ACYP2: variants seen among roughly 807,000 people sequenced by gnomAD.
The protein encoded by ACYP2 is acylphosphatase-2.
In ACYP2, 12 loss-of-function variants were observed where a neutral mutation model predicts 11.2. That is an observed-to-expected ratio of 1.08 (90% CI 0.69 to 1.74). ACYP2 has a LOEUF of 1.74. Among genes scored for constraint, ACYP2 ranks in the 40% most tolerant of loss-of-function variants. ACYP2 has a pLI of 0.00. For synonymous variants in ACYP2, 43 were observed against 32.2 expected, an observed-to-expected ratio of 1.33 and a Z score of -1.13; for missense variants, 134 against 101.9, an observed-to-expected ratio of 1.31 and a Z score of -1.35.
intron 6 of ACYP2, among the ~76,000 whole-genome samples, chr2:54,196,581 G>A (rs895432113): frequency 2.0e-5 from 3 of 152,172 alleles, no homozygotes; most frequent in Non-Finnish European, 4.4e-5. Context: ...TCAGGATACT[G>A]TGCTAGATAG....
At chr2:54,087,447 C>G (rs550772749) in intron 4 of ACYP2, among the ~76,000 whole-genome samples, 95 of 152,220 alleles carry the variant, frequency 6.2e-4, no homozygotes, top group African/African-American at 2.1e-3. Context: ...TCCCCAGGCT[C>G]AAGTGACCCT....
intron 2 of ACYP2, among the ~76,000 whole-genome samples, chr2:54,016,606 A>G (rs536398586): frequency 7.9e-5 from 12 of 152,288 alleles, no homozygotes; most frequent in African/African-American, 2.6e-4. Context: ...TCTCTGTCTT[A>G]GTCTGTTTGT....
At chr2:54,077,746 G>A (rs1451765950) in intron 4 of ACYP2, among the ~76,000 whole-genome samples, 2 of 152,196 alleles carry the variant, frequency 1.3e-5, no homozygotes, top group African/African-American at 4.8e-5. Flanking sequence ...AGCAAACTAA[G>A]GCACAGAAAG....
intron 6 of ACYP2, among the ~76,000 whole-genome samples, chr2:54,167,459 A>C (rs1330589747): frequency 6.6e-6 from 1 of 152,222 alleles, no homozygotes; most frequent in Non-Finnish European, 1.5e-5. Context: ...AAGACAGAGA[A>C]TAGCGTAATA....
At chr2:54,261,687 T>G (rs1687786517) in intron 6 of ACYP2, among the ~76,000 whole-genome samples, 1 of 152,222 alleles carries the variant, frequency 6.6e-6, no homozygotes, top group Admixed American at 6.5e-5. Context: ...TAAACAACAT[T>G]GTTTATATAG....
intron 2 of ACYP2, among the ~76,000 whole-genome samples, chr2:54,021,575 A>G (rs1268599859): frequency 6.6e-6 from 1 of 152,208 alleles, no homozygotes; most frequent in Non-Finnish European, 1.5e-5. Context: ...TAACTACACT[A>G]ATTTTATTAT....
chr2:54,240,729 G>T (rs1303701339), intron 6 of ACYP2, among the ~76,000 whole-genome samples: 1 of 152,166 alleles, frequency 6.6e-6, no homozygotes, highest in Non-Finnish European at 1.5e-5. Context: ...TGGCAAACGG[G>T]GTGGGGAACA....
intron 2 of ACYP2, among the ~76,000 whole-genome samples, chr2:53,988,289 G>A (rs963001388): frequency 7.9e-5 from 12 of 152,016 alleles, no homozygotes; most frequent in African/African-American, 1.4e-4. Context: ...ATAGTTTTCT[G>A]TTTTACATTT....
intron 4 of ACYP2, among the ~76,000 whole-genome samples, chr2:54,093,038 A>G (rs1333963174): frequency 1.3e-5 from 2 of 152,150 alleles, no homozygotes; most frequent in African/African-American, 4.8e-5. Context: ...TGAGGCTTCT[A>G]TTGTCGACTG....
At chr2:54,057,449 A>G (rs921534353) in intron 4 of ACYP2, 3 of 391,716 alleles carry the variant, frequency 7.7e-6, no homozygotes, top group South Asian at 1.4e-4. Flanking sequence ...TAGCCTCAGG[A>G]TGGCAGAACT....
At chr2:54,213,624 G>A (rs1443641006) in intron 6 of ACYP2, among the ~76,000 whole-genome samples, 9 of 152,114 alleles carry the variant, frequency 5.9e-5, no homozygotes, top group Admixed American at 5.9e-4. Context: ...ATTCTGACTG[G>A]TATGAGGTGG....
At chr2:54,218,313 C>G (rs1685642803) in intron 6 of ACYP2, among the ~76,000 whole-genome samples, 1 of 152,164 alleles carries the variant, frequency 6.6e-6, no homozygotes, top group Non-Finnish European at 1.5e-5. Flanking sequence ...CCTTTCTATC[C>G]TTGTTGGTCC....
rs568348678 is a variant in ACYP2, at chr2:54,201,655, T to C, written c.404+62907T>C. 2.0e-4 allele frequency among the ~76,000 whole-genome samples: 19 copies of C among 96,886 alleles called. No homozygotes were observed. In the East Asian group the frequency reaches 3.1e-3, roughly 16 times the overall value. The allele number at this position is 96,886 out of a possible 152,430, so 63.6% of individuals were successfully genotyped here. ...TTCTTTCTCTTTCTTTCTTTCTTTC[T>C]TTCTTTCTTTCTTTCTTTCTTTCTT... On this transcript the variant is annotated intron_variant, in intron 6 of 6. Coordinates refer to ENST00000607452, the MANE Select transcript of ACYP2 (RefSeq NM_001320586.2).
At chr2:54,175,082 T>A (rs553556964) in intron 6 of ACYP2, among the ~76,000 whole-genome samples, 3 of 152,318 alleles carry the variant, frequency 2.0e-5, no homozygotes, top group African/African-American at 7.2e-5. Context: ...TTCTATTGAT[T>A]AGAATAGTTT....
chr2:54,208,645 C>T (rs1685196849), intron 6 of ACYP2, among the ~76,000 whole-genome samples: 1 of 151,378 alleles, frequency 6.6e-6, no homozygotes, highest in African/African-American at 2.4e-5. Flanking sequence ...TAGTGATTCA[C>T]TTAAGTCATT....
chr2:54,098,743 T>C (rs1357951075), intron 4 of ACYP2, among the ~76,000 whole-genome samples: 1 of 121,850 alleles, frequency 8.2e-6, no homozygotes, highest in Non-Finnish European at 1.8e-5. Context: ...TTTTTTTTTT[T>C]CTAAAGACAG....
At chr2:54,043,243 T>G (rs1352252970) in intron 2 of ACYP2, among the ~76,000 whole-genome samples, 1 of 152,210 alleles carries the variant, frequency 6.6e-6, no homozygotes, top group East Asian at 1.9e-4. Flanking sequence ...TTCTATTACC[T>G]GAATATCTTA....
intron 4 of ACYP2, among the ~76,000 whole-genome samples, chr2:54,100,488 T>G (rs914177662): frequency 1.3e-5 from 2 of 151,956 alleles, no homozygotes; most frequent in Non-Finnish European, 2.9e-5. Context: ...AGATTTTTTT[T>G]TTTAGAGATA....
intron 6 of ACYP2, among the ~76,000 whole-genome samples, chr2:54,202,591 A>G (rs1843183): frequency 0.05 from 7,254 of 144,416 alleles, 578 homozygotes; most frequent in African/African-American, 0.18. Flanking sequence ...TATTTTAAGT[A>G]GAGACAGGGT....
Sources: allele counts gnomAD v4.1 joint callset (sites outside exome capture counted in the v4.1 genomes callset), GRCh38; gene constraint gnomAD v4.1.1; transcripts MANE v1.5; gene names NCBI Gene and HGNC (gene_info 2026-07-23, HGNC 2026-07-21).